Variants in SGCZ observed in about 807,000 individuals in gnomAD.
SGCZ encodes the protein zeta-sarcoglycan.
Under a neutral mutation model 41.3 loss-of-function variants are expected in SGCZ, and 40 were observed. The ratio of observed to expected loss-of-function variants is 0.97; its 90% confidence interval spans 0.75 to 1.26. SGCZ has a LOEUF of 1.26. SGCZ is among the 50% of genes most tolerant of loss of function. The pLI, the probability that SGCZ is intolerant of heterozygous loss-of-function variation, is 0.00. For missense variants in SGCZ, 552 were observed against 369.8 expected, an observed-to-expected ratio of 1.49 and a Z score of -4.04; for synonymous variants, 206 against 137.5, an observed-to-expected ratio of 1.50 and a Z score of -3.49.
intron 1 of SGCZ, among the ~76,000 whole-genome samples, chr8:15,076,129 A>C (rs1324758334): frequency 6.6e-6 from 1 of 152,174 alleles, no homozygotes; most frequent in Non-Finnish European, 1.5e-5. Flanking sequence ...AAGAAAATTT[A>C]AACACATTAC....
At chr8:15,231,662 C>T (rs1385589968) in intron 1 of SGCZ, among the ~76,000 whole-genome samples, 1 of 137,368 alleles carries the variant, frequency 7.3e-6, no homozygotes, top group African/African-American at 2.8e-5. Context: ...CACTCTGTCA[C>T]CCAGGCTGGA....
At chr8:14,949,912 C>T (rs1210217809) in intron 1 of SGCZ, among the ~76,000 whole-genome samples, 1 of 152,040 alleles carries the variant, frequency 6.6e-6, no homozygotes, top group Non-Finnish European at 1.5e-5. Flanking sequence ...TAAGGTAATT[C>T]ATGTTTAAGA....
intron 1 of SGCZ, among the ~76,000 whole-genome samples, chr8:14,898,028 C>T (rs746342122): frequency 1.3e-5 from 2 of 151,670 alleles, no homozygotes; most frequent in African/African-American, 2.4e-5. Flanking sequence ...TTACAATTCA[C>T]GAACAGATGT....
rs191081373 is a variant in SGCZ at position 14,543,472 on chromosome 8, C to T, written c.234+11260G>A. On this transcript the variant is annotated intron_variant, in intron 2 of 7. Transcript: ENST00000382080. Reference sequence around the variant, plus strand: ...AAGTCTAGACAGCCTCCATCATTATCCTGGAAAAGTAATTTAAAATACCCA... The same window carrying T: ...AAGTCTAGACAGCCTCCATCATTATTCTGGAAAAGTAATTTAAAATACCCA... Among the ~76,000 whole-genome samples, 514 of 152,114 alleles carry T rather than the reference C, an allele frequency of 3.4e-3. 5 individuals carry two copies. The highest frequency in any genetic ancestry group is 0.012 in the African/African-American group (490 of 41,510).
intron 1 of SGCZ, among the ~76,000 whole-genome samples, chr8:14,821,774 G>GA (rs1004342753): frequency 1.5e-3 from 226 of 151,628 alleles, no homozygotes; most frequent in African/African-American, 5.2e-3. Context: ...ATCCCTTCAT[G>GA]AAAAAAAATT....
At chr8:15,199,366 T>G (rs1424943658) in intron 1 of SGCZ, among the ~76,000 whole-genome samples, 3 of 152,182 alleles carry the variant, frequency 2.0e-5, no homozygotes, top group African/African-American at 7.2e-5. Flanking sequence ...TTAAAGTAAT[T>G]TAATCCCCCA....
chr8:14,824,904 C>G (rs1465785190), intron 1 of SGCZ, among the ~76,000 whole-genome samples: 1 of 151,932 alleles, frequency 6.6e-6, no homozygotes, highest in African/African-American at 2.4e-5. Flanking sequence ...TTATGGATAC[C>G]AATTTTTTGT....
At chr8:14,946,826 C>A (rs1800465416) in intron 1 of SGCZ, among the ~76,000 whole-genome samples, 1 of 152,008 alleles carries the variant, frequency 6.6e-6, no homozygotes, top group African/African-American at 2.4e-5. Flanking sequence ...CAGGCACCCA[C>A]CACCACGCCC....
intron 1 of SGCZ, among the ~76,000 whole-genome samples, chr8:14,581,443 T>C (rs1168287550): frequency 2.0e-5 from 3 of 151,594 alleles, no homozygotes; most frequent in Admixed American, 2.0e-4. Flanking sequence ...GTTTGTTTGT[T>C]TTTTTGTTTT....
intron 1 of SGCZ, among the ~76,000 whole-genome samples, chr8:14,900,748 A>G (rs1244613667): frequency 6.6e-6 from 1 of 152,234 alleles, no homozygotes; most frequent in Non-Finnish European, 1.5e-5. Context: ...GAAGTCAGAT[A>G]AAGATGCAAA....
chr8:15,174,463 CA>C (rs1563165918), intron 1 of SGCZ, among the ~76,000 whole-genome samples: 1 of 151,822 alleles, frequency 6.6e-6, no homozygotes, highest in Admixed American at 6.6e-5. Context: ...TGACAGAGAG[CA>C]AAAAAACTAA....
In SGCZ at chr8:14,222,932, C is replaced by T. The variant is rs1452397959; in HGVS notation, c.424+14660G>A. On this transcript the variant is annotated intron_variant, in intron 4 of 7. Coordinates refer to ENST00000382080, the MANE Select transcript of SGCZ (RefSeq NM_139167.4). ...GTTCAAGAGACTCTCCTGTCTCAGCCTTTTCAGTAGCTAAGATTACAGGCA... is the reference window on the plus strand; with the variant it reads ...GTTCAAGAGACTCTCCTGTCTCAGCTTTTTCAGTAGCTAAGATTACAGGCA... Among the ~76,000 whole-genome samples, 6 of 148,854 alleles carry T rather than the reference C, an allele frequency of 4.0e-5. No individual in the cohort carries two copies. In the Admixed American group the frequency reaches 4.1e-4, roughly 10 times the overall value.
At chr8:15,020,625 A>C (rs1316421584) in intron 1 of SGCZ, among the ~76,000 whole-genome samples, 1 of 152,208 alleles carries the variant, frequency 6.6e-6, no homozygotes, top group Non-Finnish European at 1.5e-5. Context: ...GCAGGAAGGG[A>C]CAATATTAAA....
chr8:14,742,391 T>C (rs913729842), intron 1 of SGCZ, among the ~76,000 whole-genome samples: 1 of 152,114 alleles, frequency 6.6e-6, no homozygotes, highest in African/African-American at 2.4e-5. Flanking sequence ...AATTCAGTCT[T>C]ATTGTGCACA....
At chr8:14,873,424 C>T (rs114962894) in intron 1 of SGCZ, among the ~76,000 whole-genome samples, 4,277 of 152,046 alleles carry the variant, frequency 0.028, 65 homozygotes, top group Middle Eastern at 0.048. Context: ...ACTCTAGAGT[C>T]GTATAGTACT....
chr8:14,377,211 G>A (rs958220710), intron 2 of SGCZ, among the ~76,000 whole-genome samples: 19 of 152,328 alleles, frequency 1.2e-4, no homozygotes, highest in African/African-American at 4.1e-4. Context: ...AAGAGCCAAT[G>A]ATGTAATCAA....
intron 1 of SGCZ, among the ~76,000 whole-genome samples, chr8:14,597,544 C>T (rs1483610154): frequency 2.0e-5 from 3 of 152,196 alleles, no homozygotes; most frequent in Non-Finnish European, 4.4e-5. Context: ...TCTTGGCTCA[C>T]TGCAACCTCC....
chr8:14,914,061 T>C lies in SGCZ; in HGVS notation c.39+323524A>G, dbSNP rs188017092. Among the ~76,000 whole-genome samples, 8 of 152,230 alleles carry C rather than the reference T, an allele frequency of 5.3e-5. No individual in the cohort carries two copies. In the East Asian group the frequency reaches 1.5e-3, roughly 29 times the overall value. Reference sequence around the variant, plus strand: ...AAATACAAATACATATGTATATAGATGATCTATATTACATCCTTTTTTAAA... The same window carrying C: ...AAATACAAATACATATGTATATAGACGATCTATATTACATCCTTTTTTAAA... On this transcript the variant is annotated intron_variant, in intron 1 of 7. Coordinates refer to ENST00000382080, the MANE Select transcript of SGCZ (RefSeq NM_139167.4).
chr8:14,894,979 T>C (rs1021647232), intron 1 of SGCZ, among the ~76,000 whole-genome samples: 2 of 152,162 alleles, frequency 1.3e-5, no homozygotes, highest in Admixed American at 1.3e-4. Context: ...AAAATCTTTA[T>C]ATCTTCCATA....
Sources: gnomAD v4.1 joint callset for allele counts (sites outside exome capture counted in the v4.1 genomes callset) on GRCh38, gnomAD v4.1.1 for gene constraint, MANE v1.5 for transcripts, NCBI Gene and HGNC (gene_info 2026-07-23, HGNC 2026-07-21) for gene names.